UIMC1: variants seen among roughly 807,000 people sequenced by gnomAD.
UIMC1 encodes BRCA1-A complex subunit RAP80.
UIMC1 carries 42 observed loss-of-function variants against 84.9 expected under a neutral mutation model. That is an observed-to-expected ratio of 0.49 (90% confidence interval 0.39 to 0.64). The LOEUF (loss-of-function observed/expected upper bound fraction) is 0.64, where lower values mean the gene tolerates loss of function less well. UIMC1 is among the 30% of genes least tolerant of loss of function. The pLI is 0.00. For missense variants in UIMC1, 825 were observed against 847.6 expected (o/e 0.97, Z 0.33); for synonymous variants, 281 against 293.0 (o/e 0.96, Z 0.42).
At chr5:176,949,779 G>A (rs553121594) in intron 9 of UIMC1, among the ~76,000 whole-genome samples, 1 of 152,260 alleles carries the variant, frequency 6.6e-6, no homozygotes, top group South Asian at 2.1e-4. Context: ...AAAATCCCAG[G>A]CCGGGCACAG....
intron 3 of UIMC1, among the ~76,000 whole-genome samples, chr5:176,971,962 A>G (rs1769304953): frequency 6.6e-6 from 1 of 152,234 alleles, no homozygotes; most frequent in Admixed American, 6.5e-5. Context: ...TTTTTTAAAA[A>G]TACATAGACT....
At chr5:177,012,617 C>G (rs112807092) in intron 1 of UIMC1, among the ~76,000 whole-genome samples, 1 of 151,978 alleles carries the variant, frequency 6.6e-6, no homozygotes, top group African/African-American at 2.4e-5. Context: ...CACTTGAACC[C>G]AGGAGGTGGA....
At chr5:176,968,449 T>A in intron 6 of UIMC1, 106 bp downstream of exon 6, 1 of 1,423,154 alleles carries the variant, frequency 7.0e-7, no homozygotes, top group Non-Finnish European at 9.5e-7. Context: ...GAACATGTAT[T>A]ACTTTAATAA....
At chr5:176,954,407 C>G (rs1439468941) in intron 8 of UIMC1, among the ~76,000 whole-genome samples, 1 of 152,012 alleles carries the variant, frequency 6.6e-6, no homozygotes, top group Admixed American at 6.6e-5. Context: ...GTAATCCAAA[C>G]ACATTTCAAA....
chr5:176,990,105 C>T lies in UIMC1; in HGVS notation c.-8-7482G>A, dbSNP rs371857834. Among the ~76,000 whole-genome samples, 24 of 151,600 alleles carry T rather than the reference C, an allele frequency of 1.6e-4. No homozygotes were observed. In the East Asian group the frequency reaches 3.5e-3, roughly 22 times the overall value. ...CTGAGGCAGGAGAATGGCGTGAACC[C>T]GGGAGGTGGAGCTTGCAGTGAGCCG... On this transcript the variant is annotated intron_variant, in intron 1 of 14. Transcript: ENST00000511320.
At chr5:176,996,624 G>A (rs1306476587) in intron 1 of UIMC1, among the ~76,000 whole-genome samples, 2 of 152,110 alleles carry the variant, frequency 1.3e-5, no homozygotes, top group Non-Finnish European at 2.9e-5. Context: ...AATACCATGA[G>A]TCTCTGTGAT....
At chr5:176,935,222 T>C (rs568290235) in intron 10 of UIMC1, among the ~76,000 whole-genome samples, 245 of 152,300 alleles carry the variant, frequency 1.6e-3, no homozygotes, top group African/African-American at 5.6e-3. Flanking sequence ...CACCATTTCC[T>C]TTCATAATGC....
chr5:176,946,619 G>C (rs1418581374), intron 9 of UIMC1, among the ~76,000 whole-genome samples: 1 of 152,198 alleles, frequency 6.6e-6, no homozygotes, highest in Non-Finnish European at 1.5e-5. Context: ...TGGATCACTT[G>C]AGGTCAAGAG....
intron 2 of UIMC1, among the ~76,000 whole-genome samples, chr5:176,975,815 A>G (rs1038287918): frequency 5.3e-5 from 8 of 152,362 alleles, no homozygotes; most frequent in African/African-American, 1.9e-4. Flanking sequence ...AATAATGTTT[A>G]AACTCAGCGT....
chr5:176,905,549 T>C, intron 14 of UIMC1, 57 bp from the exon 15 acceptor site: 1 of 1,484,448 alleles, frequency 6.7e-7, no homozygotes. Context: ...ATCAAGGACA[T>C]GCTATGCACT....
chr5:176,908,007 TA>T (rs1053294027), intron 12 of UIMC1, among the ~76,000 whole-genome samples: 1 of 152,248 alleles, frequency 6.6e-6, no homozygotes, highest in Non-Finnish European at 1.5e-5. Context: ...ACATTAATAG[TA>T]ATTTTTAAAA....
At chr5:176,916,474 T>A (rs999024866) in intron 10 of UIMC1, among the ~76,000 whole-genome samples, 1 of 152,180 alleles carries the variant, frequency 6.6e-6, no homozygotes, top group Non-Finnish European at 1.5e-5. Flanking sequence ...GGCTTTAGAG[T>A]TGGACAACAG....
chr5:176,952,109 T>C (rs1255094524), intron 8 of UIMC1, among the ~76,000 whole-genome samples: 1 of 152,236 alleles, frequency 6.6e-6, no homozygotes, highest in East Asian at 1.9e-4. Flanking sequence ...TAGCATTCCA[T>C]TGTATAGATA....
At chr5:176,952,917 C>T (rs577565441) in intron 8 of UIMC1, among the ~76,000 whole-genome samples, 40 of 152,250 alleles carry the variant, frequency 2.6e-4, no homozygotes, top group African/African-American at 8.9e-4. Flanking sequence ...AGAAACATTA[C>T]AGACTGAATG....
chr5:177,016,313 G>A (rs758320213), intron 1 of UIMC1, among the ~76,000 whole-genome samples: 9 of 151,846 alleles, frequency 5.9e-5, no homozygotes, highest in African/African-American at 9.7e-5. Context: ...GCAGTGAGCC[G>A]AGATCATGTA....
At chr5:176,965,792 G>A (rs1768207196) in intron 6 of UIMC1, among the ~76,000 whole-genome samples, 1 of 152,184 alleles carries the variant, frequency 6.6e-6, no homozygotes, top group African/African-American at 2.4e-5. Context: ...TACTGCAAAG[G>A]CAGTACTTTC....
intron 9 of UIMC1, among the ~76,000 whole-genome samples, chr5:176,947,656 A>C (rs1289603558): frequency 6.6e-6 from 1 of 151,946 alleles, no homozygotes; most frequent in Non-Finnish European, 1.5e-5. Flanking sequence ...ATCTCTACTA[A>C]AAACACAAAA....
Position 176,975,489 on chromosome 5 carries a change from A to C in UIMC1, c.148-9T>G. ...TTTTCCTCCTTTGGTTCCTGTTGCA[A>C]AACAAGAAATATCATCAGTGTGGCT... is the stretch of plus-strand genomic sequence containing the variant. On this transcript the variant is annotated splice_polypyrimidine_tract_variant and intron_variant, in intron 2 of 14. Coordinates refer to ENST00000511320, the MANE Select transcript of UIMC1 (RefSeq NM_001199298.2). 6.2e-7 allele frequency: 1 copy of C among 1,613,912 alleles called. No individual in the cohort carries two copies.
chr5:176,952,356 T>C (rs1300634400), intron 8 of UIMC1, among the ~76,000 whole-genome samples: 1 of 152,190 alleles, frequency 6.6e-6, no homozygotes, highest in Non-Finnish European at 1.5e-5. Flanking sequence ...CAACAAATAA[T>C]TGAACATCAA....
Sources: gnomAD v4.1 joint callset for allele counts (sites outside exome capture counted in the v4.1 genomes callset) on GRCh38, gnomAD v4.1.1 for gene constraint, MANE v1.5 for transcripts, NCBI Gene and HGNC (gene_info 2026-07-23, HGNC 2026-07-21) for gene names.